The following IL12RB2 variants were observed in gnomAD, a reference collection of about 807,000 sequenced individuals.
IL12RB2 encodes interleukin-12 receptor subunit beta-2.
IL12RB2 carries 82 observed loss-of-function variants against 89.4 expected under a neutral mutation model. The ratio of observed to expected loss-of-function variants is 0.92; its 90% CI spans 0.77 to 1.10. The LOEUF (loss-of-function observed/expected upper bound fraction) is 1.10, where lower values mean the gene tolerates loss of function less well. Ranked by LOEUF, IL12RB2 falls within the 50% of genes least tolerant of loss-of-function variation. The pLI is 0.00. For synonymous variants in IL12RB2, 368 were observed against 370.1 expected, an observed-to-expected ratio of 0.99 and a Z score of 0.07; for missense variants, 963 against 1,031.9, an observed-to-expected ratio of 0.93 and a Z score of 0.92.
rs535118619 is a variant in IL12RB2 at position 67,367,423 on chromosome 1, G to C, written c.1259-402G>C. Among the ~76,000 whole-genome samples, 407 of 124,314 alleles carry C rather than the reference G, an allele frequency of 3.3e-3. 2 individuals are homozygous for C. The highest frequency in any genetic ancestry group is 0.012 in the African/African-American group (383 of 32,588). The allele number at this position is 124,314 out of a possible 152,430, so 81.6% of individuals were successfully genotyped here. ...GAAAAAAAAAGAAAGAGAGAGAGAA[G>C]AAAAAGAAAAAGAAAGAAGGAAGGA... is the stretch of plus-strand genomic sequence containing the variant. On this transcript the variant is annotated intron_variant, in intron 10 of 16. Transcript: ENST00000674203.
At chr1:67,326,267 CA>C (rs1282375632) in intron 4 of IL12RB2, among the ~76,000 whole-genome samples, 1 of 151,906 alleles carries the variant, frequency 6.6e-6, no homozygotes, top group Non-Finnish European at 1.5e-5. Context: ...TTATTATTAC[CA>C]GGGGTAATGG....
chr1:67,376,947 C>A (rs185636632), intron 13 of IL12RB2, among the ~76,000 whole-genome samples: 1 of 152,272 alleles, frequency 6.6e-6, no homozygotes, highest in Non-Finnish European at 1.5e-5. Context: ...TGAGCTCAAT[C>A]ATATAGCTTA....
chr1:67,342,673 T>C (rs377433814), intron 9 of IL12RB2, among the ~76,000 whole-genome samples: 20 of 152,022 alleles, frequency 1.3e-4, no homozygotes, highest in African/African-American at 4.3e-4. Context: ...TGCTTTGTTA[T>C]GGCTTGTCAC....
At chr1:67,364,906 G>A (rs981615046) in intron 10 of IL12RB2, among the ~76,000 whole-genome samples, 2 of 151,896 alleles carry the variant, frequency 1.3e-5, no homozygotes, top group African/African-American at 4.8e-5. Flanking sequence ...CCATATTCTG[G>A]GTCATAAAAT....
At chr1:67,347,424 C>T (rs1398547906) in intron 9 of IL12RB2, among the ~76,000 whole-genome samples, 1 of 152,064 alleles carries the variant, frequency 6.6e-6, no homozygotes, top group African/African-American at 2.4e-5. Context: ...TGGAGACACC[C>T]CTCCTCCAAT....
chr1:67,349,569 G>T (rs1660604349), intron 9 of IL12RB2, among the ~76,000 whole-genome samples: 1 of 152,158 alleles, frequency 6.6e-6, no homozygotes, highest in Non-Finnish European at 1.5e-5. Flanking sequence ...CTGACTTTAG[G>T]GAAAGGCAGA....
intron 13 of IL12RB2, among the ~76,000 whole-genome samples, chr1:67,373,356 T>C (rs934934540): frequency 1.3e-5 from 2 of 152,202 alleles, no homozygotes; most frequent in African/African-American, 2.4e-5. Context: ...GTGATTTGCC[T>C]ACCTCGGCCT....
intron 16 of IL12RB2, 87 bp from the exon 17 acceptor site, chr1:67,395,460 T>C (rs1666275871): frequency 1.9e-6 from 3 of 1,611,532 alleles, no homozygotes; most frequent in Non-Finnish European, 1.7e-6. Flanking sequence ...ACAGTGCAGG[T>C]TGTGAGGCCT....
At chr1:67,353,970 T>G (rs1661105295) in intron 10 of IL12RB2, among the ~76,000 whole-genome samples, 1 of 152,242 alleles carries the variant, frequency 6.6e-6, no homozygotes, top group South Asian at 2.1e-4. Context: ...CATTTCTACT[T>G]TATTCATTCA....
chr1:67,395,913 A>C lies in IL12RB2; in HGVS notation c.2413A>C (p.Ile805Leu). ...CCATGATGGCTACTTACCCTCCAAC[A>C]TAGATGACCTCCCCTCACATGAGGC... ...PTHDGYLPSN[I>L]DDLPSHEAPL... The change falls in exon 17 of 17, where the codon ATA (isoleucine) becomes CTA (leucine). Residue 805 changes from isoleucine (I) to leucine (L), a missense_variant. Physicochemically the swap from Ile to Leu is conservative, Grantham distance 5. Transcript: ENST00000674203. 6.2e-7 allele frequency: 1 copy of C among 1,611,196 alleles called. No homozygotes were observed. Among genetic ancestry groups the C allele is most frequent in the Admixed American group, 1.7e-5 (1 of 60,010 alleles).
In IL12RB2 at chr1:67,350,851, T is replaced by C. The variant is rs1454692379; in HGVS notation, c.1039-19T>C. 3.1e-6 allele frequency: 5 copies of C among 1,613,442 alleles called. No homozygotes were observed. In the Admixed American group the frequency reaches 8.3e-5, roughly 27 times the overall value. On this transcript the variant is annotated intron_variant, in intron 9 of 16. Coordinates refer to ENST00000674203, the MANE Select transcript of IL12RB2 (RefSeq NM_001374259.2). The stretch of plus-strand genomic sequence containing the variant: ...ATCTTGTCTGGGAGTAAATAGTGAA[T>C]AAATGTGTCTTGTTGCAGAATCTGA...
At chr1:67,315,525 A>G (rs1422557879) in intron 2 of IL12RB2, among the ~76,000 whole-genome samples, 2 of 152,232 alleles carry the variant, frequency 1.3e-5, no homozygotes, top group Non-Finnish European at 2.9e-5. Context: ...CTATAGGGGT[A>G]GAAAAACTCC....
chr1:67,320,936 C>T (rs1005646103), intron 3 of IL12RB2, among the ~76,000 whole-genome samples: 1 of 150,436 alleles, frequency 6.6e-6, no homozygotes, highest in Admixed American at 6.6e-5. Flanking sequence ...CACCCCCACC[C>T]CCGTGTCCAT....
intron 15 of IL12RB2, among the ~76,000 whole-genome samples, chr1:67,389,337 TA>T (rs35954025): frequency 0.083 from 8,790 of 106,338 alleles, 321 homozygotes; most frequent in African/African-American, 0.11. Context: ...AGCATACTTT[TA>T]AAAAAAAAAA....
At chr1:67,342,228 GT>G (rs911435255) in intron 9 of IL12RB2, among the ~76,000 whole-genome samples, 22 of 149,056 alleles carry the variant, frequency 1.5e-4, no homozygotes, top group African/African-American at 5.2e-4. Context: ...GTTTTTTTTT[GT>G]TTTTGTTTTT....
intron 16 of IL12RB2, among the ~76,000 whole-genome samples, chr1:67,393,020 C>T (rs1047005752): frequency 6.6e-5 from 10 of 152,124 alleles, no homozygotes; most frequent in African/African-American, 2.2e-4. Context: ...AATATGGCCT[C>T]GAGGATGAAA....
Position 67,330,795 on chromosome 1 carries a change from C to A in IL12RB2, c.943C>A (p.Gln315Lys), listed in dbSNP as rs1385244114. Residue 315 changes from glutamine to lysine, a missense_variant, in exon 8 of 17, where the codon CAA becomes AAA. Physicochemically the swap from Gln to Lys is moderately conservative, Grantham distance 53. Transcript: ENST00000674203. ...TGATTGGAGTGAATCATTGAGAGCACAAACACCAGAAGAAGGTATATGTCC... is the reference window on the plus strand; with the variant it reads ...TGATTGGAGTGAATCATTGAGAGCAAAAACACCAGAAGAAGGTATATGTCC... The part of the protein sequence containing the change: ...WSDWSESLRA[Q>K]TPEEEPTGML... 6.4e-7 allele frequency: 1 copy of A among 1,571,152 alleles called. No homozygotes were observed. The highest frequency in any genetic ancestry group is 8.8e-7 in the Non-Finnish European group (1 of 1,141,302).
chr1:67,328,081 A>C (rs1657569211), intron 5 of IL12RB2, 119 bp from the exon 6 acceptor site: 1 of 794,544 alleles, frequency 1.3e-6, no homozygotes. Context: ...CCTAGTCATA[A>C]GATTGACCTT....
In IL12RB2 at chr1:67,396,565, T is replaced by C. The variant is rs191510006; in HGVS notation, c.*476T>C. On this transcript the variant is annotated 3_prime_UTR_variant, in exon 17 of 17. Transcript: ENST00000674203. ...TTCTACCTCTGCACTCACTGTCCAG[T>C]ACATTAGACACTAGGCACATTGGCT... 104 of 198,098 alleles carry C rather than the reference T, an allele frequency of 5.2e-4. No individual in the cohort carries two copies. Among genetic ancestry groups the C allele is most frequent in the Middle Eastern group, 2.1e-3 (1 of 472 alleles). The allele number at this position is 198,098 out of a possible 1,614,324, so 12.3% of individuals were successfully genotyped here. A position where few individuals can be genotyped will look rare whatever the true frequency, so the allele number is the denominator to read the frequency against.
Sources: allele counts gnomAD v4.1 joint callset (sites outside exome capture counted in the v4.1 genomes callset), GRCh38; gene constraint gnomAD v4.1.1; transcripts MANE v1.5; gene names NCBI Gene and HGNC (gene_info 2026-07-23, HGNC 2026-07-21).